Variants in MTA3 observed in about 807,000 individuals in gnomAD.
MTA3 encodes metastasis-associated protein MTA3.
MTA3 carries 34 observed loss-of-function variants against 83.5 expected under a neutral mutation model. That is an observed-to-expected ratio of 0.41 (90% CI 0.31 to 0.54). MTA3 has a LOEUF of 0.54. Ranked by LOEUF, MTA3 falls within the 20% of genes least tolerant of loss-of-function variation. The pLI, the probability that MTA3 is intolerant of heterozygous loss-of-function variation, is 0.33. For missense variants in MTA3, 761 were observed against 726.4 expected (o/e 1.05, Z -0.55); for synonymous variants, 303 against 252.7 (o/e 1.20, Z -1.89).
chr2:42,584,131 T>C (rs2103895372), intron 3 of MTA3, among the ~76,000 whole-genome samples: 1 of 152,192 alleles, frequency 6.6e-6, no homozygotes, highest in East Asian at 1.9e-4. Flanking sequence ...TGTGAGCCAC[T>C]GTGCCCACCT....
chr2:42,594,724 A>ATTTTTTTTT (rs1290668170), intron 3 of MTA3, among the ~76,000 whole-genome samples: 7 of 31,270 alleles, frequency 2.2e-4, no homozygotes, highest in African/African-American at 1.3e-3. Context: ...ATATATATAT[A>ATTTTTTTTT]TATATTTTTT....
At chr2:42,740,050 A>G (rs1668914774) in intron 16 of MTA3, among the ~76,000 whole-genome samples, 1 of 152,182 alleles carries the variant, frequency 6.6e-6, no homozygotes, top group Non-Finnish European at 1.5e-5. Context: ...GTTAGTATTG[A>G]TATTTTGGCC....
rs375115123 is a variant in MTA3, at chr2:42,644,260, T to A, written c.499+16T>A. 1 of 1,554,328 alleles carries A rather than the reference T, an allele frequency of 6.4e-7. No homozygotes were observed. Among genetic ancestry groups the A allele is most frequent in the African/African-American group, 1.4e-5 (1 of 73,316 alleles). ...CTGTTAGAAGGTACGTTTTTCTGCG[T>A]GTTTGCAGTTTTGTGAAACAAATAT... On this transcript the variant is annotated intron_variant, in intron 6 of 16. Transcript: ENST00000405094.
chr2:42,636,729 C>A (rs932785617), intron 4 of MTA3, among the ~76,000 whole-genome samples: 1 of 150,546 alleles, frequency 6.6e-6, no homozygotes, highest in Non-Finnish European at 1.5e-5. Context: ...CAGGTTCAAG[C>A]CATTCTCCTG....
At chr2:42,595,154 G>C (rs1338129050) in intron 3 of MTA3, among the ~76,000 whole-genome samples, 2 of 114,988 alleles carry the variant, frequency 1.7e-5, no homozygotes, top group African/African-American at 3.5e-5. Context: ...CTGTCACCCA[G>C]GCTGGAGTCC....
At chr2:42,574,439 A>G (rs1418809316) in intron 2 of MTA3, among the ~76,000 whole-genome samples, 2 of 147,136 alleles carry the variant, frequency 1.4e-5, no homozygotes, top group Non-Finnish European at 1.5e-5. Flanking sequence ...TTTTCTCAAA[A>G]TAACTGTGCT....
chr2:42,715,584 T>C lies in MTA3; in HGVS notation c.1526-3404T>C, dbSNP rs114609841. Among the ~76,000 whole-genome samples, 1,120 of 152,234 alleles carry C rather than the reference T, an allele frequency of 7.4e-3. 14 individuals are homozygous for C. Among genetic ancestry groups the C allele is most frequent in the African/African-American group, 0.026 (1,072 of 41,520 alleles). On this transcript the variant is annotated intron_variant, in intron 14 of 16. Transcript: ENST00000405094. ...TGAGGATTAGTGAAATATGCTTCTTTCTAAAAAGCTTTGATCTCCCATTCA... is the reference window on the plus strand; with the variant it reads ...TGAGGATTAGTGAAATATGCTTCTTCCTAAAAAGCTTTGATCTCCCATTCA...
At chr2:42,502,823 C>A (rs1674456773) in intron 2 of MTA3, among the ~76,000 whole-genome samples, 1 of 82,556 alleles carries the variant, frequency 1.2e-5, no homozygotes, top group African/African-American at 5.6e-5. Context: ...ATTAGCCGGG[C>A]ATGGTGGCAG....
intron 4 of MTA3, among the ~76,000 whole-genome samples, chr2:42,633,875 C>T (rs1224213376): frequency 1.3e-5 from 2 of 149,434 alleles, no homozygotes; most frequent in Admixed American, 6.8e-5. Flanking sequence ...GGCGACAGAG[C>T]GAGACTCTGT....
chr2:42,726,116 A>G (rs1667798709), intron 16 of MTA3, among the ~76,000 whole-genome samples: 1 of 152,218 alleles, frequency 6.6e-6, no homozygotes, highest in Admixed American at 6.5e-5. Flanking sequence ...CTCATGGGAA[A>G]GCCTTGTTCT....
intron 9 of MTA3, among the ~76,000 whole-genome samples, chr2:42,684,574 T>C (rs1356211655): frequency 1.3e-5 from 2 of 152,186 alleles, no homozygotes; most frequent in Admixed American, 6.5e-5. Flanking sequence ...ATAACAGTTA[T>C]TAAAATAATA....
chr2:42,606,139 G>A (rs1683338543), intron 3 of MTA3, among the ~76,000 whole-genome samples: 1 of 108,794 alleles, frequency 9.2e-6, no homozygotes. Context: ...CCCAGTAGGG[G>A]CGGCCGGGCA....
chr2:42,627,389 T>C (rs1686209279), intron 4 of MTA3, among the ~76,000 whole-genome samples: 1 of 152,298 alleles, frequency 6.6e-6, no homozygotes, highest in Middle Eastern at 3.4e-3. Flanking sequence ...CTTGTCCTAA[T>C]TATATTAGGG....
At chr2:42,518,416 A>G (rs1337844358) in intron 2 of MTA3, among the ~76,000 whole-genome samples, 1 of 152,232 alleles carries the variant, frequency 6.6e-6, no homozygotes, top group Non-Finnish European at 1.5e-5. Flanking sequence ...TGTCAAAGCC[A>G]CAGAAGAACC....
At chr2:42,508,254 C>T (rs1466680555) in intron 2 of MTA3, among the ~76,000 whole-genome samples, 1 of 152,136 alleles carries the variant, frequency 6.6e-6, no homozygotes, top group African/African-American at 2.4e-5. Context: ...TTCCCTTACC[C>T]TATTTTTAAA....
chr2:42,721,214 G>A (rs1573754588), intron 15 of MTA3, among the ~76,000 whole-genome samples: 2 of 152,108 alleles, frequency 1.3e-5, no homozygotes, highest in Non-Finnish European at 1.5e-5. Context: ...TCTTAGTGTA[G>A]TGGGGAAAGC....
chr2:42,723,193 A>G, intron 16 of MTA3, 158 bp downstream of exon 16: 1 of 907,172 alleles, frequency 1.1e-6, no homozygotes, highest in African/African-American at 1.7e-5. Context: ...CATATGCCAC[A>G]TTTTGCCAAG....
In MTA3 at chr2:42,682,574, C is replaced by T. The variant is rs201111026; in HGVS notation, c.876C>T (p.Asp292=). The part of the protein sequence containing the change: ...ALEKYGKDFN[D]IRQDFLPWKS... Reference sequence around the variant, plus strand: ...AAAAATATGGCAAAGACTTCAATGACATACGGCAAGATTTTGTAAGTAGAA... The same window carrying T: ...AAAAATATGGCAAAGACTTCAATGATATACGGCAAGATTTTGTAAGTAGAA... Residue 292 remains aspartate (D), a synonymous_variant, in exon 9 of 17, where the codon GAC becomes GAT. Coordinates refer to ENST00000405094, the MANE Select transcript of MTA3 (RefSeq NM_001330442.2). The T allele has an allele frequency of 3.7e-6, 6 of 1,610,828 alleles. No individual in the cohort carries two copies. The highest frequency in any genetic ancestry group is 4.2e-6 in the Non-Finnish European group (5 of 1,178,524).
At chr2:42,515,583 ACCTCTG>A (rs1310323269) in intron 2 of MTA3, among the ~76,000 whole-genome samples, 1 of 151,230 alleles carries the variant, frequency 6.6e-6, no homozygotes, top group Non-Finnish European at 1.5e-5. Context: ...GCTCACTACA[ACCTCTG>A]CCTCCTAGGT....
Sources: gnomAD v4.1 joint callset for allele counts (sites outside exome capture counted in the v4.1 genomes callset) on GRCh38, gnomAD v4.1.1 for gene constraint, MANE v1.5 for transcripts, NCBI Gene and HGNC (gene_info 2026-07-23, HGNC 2026-07-21) for gene names.